CASP8: variants seen among roughly 807,000 people sequenced by gnomAD.
CASP8 encodes caspase 8, also known as caspase-8.
Under a neutral mutation model 46.3 loss-of-function variants are expected in CASP8, and 24 were observed. That is an observed-to-expected ratio of 0.52 (90% CI 0.38 to 0.73). The LOEUF (loss-of-function observed/expected upper bound fraction) is 0.73. Ranked by LOEUF, CASP8 falls within the 30% of genes least tolerant of loss-of-function variation. The pLI is 0.00. For synonymous variants in CASP8, 188 were observed against 200.4 expected, an observed-to-expected ratio of 0.94 and a Z score of 0.52; for missense variants, 460 against 559.0, an observed-to-expected ratio of 0.82 and a Z score of 1.79.
At chr2:201,277,290 T>C (rs1204070309) in intron 7 of CASP8, among the ~76,000 whole-genome samples, 1 of 152,236 alleles carries the variant, frequency 6.6e-6, no homozygotes, top group East Asian at 1.9e-4. Context: ...TATTAGGCGA[T>C]GAAATTGCTG....
intron 7 of CASP8, among the ~76,000 whole-genome samples, chr2:201,280,882 G>A (rs1948953913): frequency 6.6e-6 from 1 of 151,812 alleles, no homozygotes; most frequent in Non-Finnish European, 1.5e-5. Context: ...AGCACTTGGA[G>A]AAAAAACAGT....
intron 2 of CASP8, among the ~76,000 whole-genome samples, chr2:201,234,646 G>C (rs976080065): frequency 2.0e-5 from 3 of 151,414 alleles, no homozygotes; most frequent in Admixed American, 1.3e-4. Flanking sequence ...AGTAGAGATG[G>C]GGGGGTCTCA....
chr2:201,265,082 A>T (rs1487901396), intron 1 of CASP8, among the ~76,000 whole-genome samples: 2 of 152,160 alleles, frequency 1.3e-5, no homozygotes, highest in African/African-American at 4.8e-5. Flanking sequence ...ATTTTTAAAA[A>T]TTTTCTTTCA....
intron 1 of CASP8, 24 bp downstream of exon 1, chr2:201,260,637 G>A: frequency 7.0e-6 from 6 of 855,446 alleles, no homozygotes; most frequent in Non-Finnish European, 7.0e-6. Flanking sequence ...TCTTTGTTAA[G>A]GTCAGAGGGG....
chr2:201,250,811 G>T (rs1946744900), intron 2 of CASP8, among the ~76,000 whole-genome samples: 1 of 152,284 alleles, frequency 6.6e-6, no homozygotes, highest in Middle Eastern at 3.4e-3. Context: ...TTCCATTAGG[G>T]TTCACTTTTG....
chr2:201,270,066 T>C (rs186342274), intron 2 of CASP8, among the ~76,000 whole-genome samples: 126 of 152,362 alleles, frequency 8.3e-4, no homozygotes, highest in Admixed American at 2.5e-3. Flanking sequence ...ATTTTACTTT[T>C]CTAATTAAAT....
upstream of CASP8, chr2:201,260,403 C>G (rs74589246): frequency 0.019 from 5,930 of 320,398 alleles, 217 homozygotes; most frequent in African/African-American, 0.092. Flanking sequence ...TTTCCTGCAG[C>G]TTTAGAAGCT....
chr2:201,279,951 T>C (rs962383936), intron 7 of CASP8, among the ~76,000 whole-genome samples: 2 of 151,914 alleles, frequency 1.3e-5, no homozygotes, highest in Admixed American at 6.6e-5. Context: ...AGACTCCATC[T>C]CAAATAAATA....
upstream of CASP8, among the ~76,000 whole-genome samples, chr2:201,255,900 T>G (rs1275365065): frequency 6.6e-6 from 1 of 152,144 alleles, no homozygotes; most frequent in African/African-American, 2.4e-5. Context: ...AGACAACAGA[T>G]GCATGCCACC....
chr2:201,285,376 C>T (rs1949508676), intron 8 of CASP8, 59 bp downstream of exon 8: 1 of 1,572,096 alleles, frequency 6.4e-7, no homozygotes, highest in South Asian at 1.1e-5. Context: ...CCTACTCCAT[C>T]ACACTACTAT....
At chr2:201,258,319 C>T (rs955016434), upstream of CASP8, 4 of 1,614,122 alleles carry the variant, frequency 2.5e-6, no homozygotes, top group Non-Finnish European at 3.4e-6. Flanking sequence ...CCCTGCTGAG[C>T]ACGTGGAGTT....
Position 201,272,886 on chromosome 2 carries a change from C to T in CASP8, c.551-12C>T. ...AATCAAATATTGTTTGGGGTTTCCC[C>T]TTTTAATTCAGAGAGAAGCAGCAGC... is the stretch of plus-strand genomic sequence containing the variant. On this transcript the variant is annotated splice_polypyrimidine_tract_variant and intron_variant, in intron 4 of 8. Coordinates refer to ENST00000673742, the MANE Select transcript of CASP8 (RefSeq NM_001372051.1). This position sits in a 1 kb window ranked among gnomAD's most constrained non-coding sequence, Gnocchi z 4.4. 1 of 1,614,106 alleles carries T rather than the reference C, an allele frequency of 6.2e-7. No individual in the cohort carries two copies. Among genetic ancestry groups the T allele is most frequent in the Non-Finnish European group, 8.5e-7 (1 of 1,179,968 alleles).
At chr2:201,275,021 T>C (rs1948538085) in intron 6 of CASP8, 68 bp downstream of exon 6, 2 of 1,208,706 alleles carry the variant, frequency 1.7e-6, no homozygotes, top group African/African-American at 3.0e-5. Flanking sequence ...GTTAGCTTTT[T>C]TTTTTTTTTG....
chr2:201,286,322 GT>G lies in CASP8; in HGVS notation c.1305-134del, dbSNP rs1427562520. The G allele has an allele frequency of 6.0e-5, 66 of 1,093,442 alleles. No individual in the cohort carries two copies. The Admixed American group carries it at 1.2e-3, about 21-fold the overall frequency. The allele number at this position is 1,093,442 out of a possible 1,614,324, so 67.7% of individuals were successfully genotyped here. A position where few individuals can be genotyped will look rare whatever the true frequency, so the allele number is the denominator to read the frequency against. ...ACCAGGAAAGCTGGGGTAGGTCTTG[GT>G]TTCGCACCTTATTGTTTCAAATGAC... On this transcript the variant is annotated intron_variant, in intron 8 of 8. Transcript: ENST00000673742.
chr2:201,253,512 A>G (rs1188726791), intron 2 of CASP8, among the ~76,000 whole-genome samples: 1 of 151,684 alleles, frequency 6.6e-6, no homozygotes, highest in Non-Finnish European at 1.5e-5. Context: ...ATGCTTTAAA[A>G]CTGCACAGTG....
chr2:201,276,886 C>T lies in CASP8; in HGVS notation c.720C>T (p.Asn240=), dbSNP rs1288542334. Residue 240 remains asparagine (N), a synonymous_variant, in exon 7 of 9, where the codon AAC becomes AAT. Transcript: ENST00000673742. ...SKPRGYCLII[N]NHNFAKAREK... Reference sequence around the variant, plus strand: ...CTCGGGGATACTGTCTGATCATCAACAATCACAATTTTGCAAAAGCACGGG... The same window carrying T: ...CTCGGGGATACTGTCTGATCATCAATAATCACAATTTTGCAAAAGCACGGG... 5.0e-6 allele frequency: 8 copies of T among 1,614,030 alleles called. No homozygotes were observed. Among genetic ancestry groups the T allele is most frequent in the Non-Finnish European group, 6.8e-6 (8 of 1,179,878 alleles).
At chr2:201,252,908 A>G (rs935896029) in intron 2 of CASP8, among the ~76,000 whole-genome samples, 1 of 152,218 alleles carries the variant, frequency 6.6e-6, no homozygotes, top group Non-Finnish European at 1.5e-5. Flanking sequence ...GGGAAAAAAA[A>G]GGAATTTTCT....
chr2:201,258,366 A>G (rs920682794), upstream of CASP8: 3 of 1,613,938 alleles, frequency 1.9e-6, no homozygotes, highest in East Asian at 4.5e-5. Context: ...CGATGGTGCC[A>G]GGAAAGGGTG....
At chr2:201,283,943 G>A (rs1949360833) in intron 7 of CASP8, among the ~76,000 whole-genome samples, 1 of 22,832 alleles carries the variant, frequency 4.4e-5, no homozygotes, top group Admixed American at 2.3e-4. Context: ...CCAGGCAGAG[G>A]GTTTCCTCAC....
Sources: allele counts gnomAD v4.1 joint callset (sites outside exome capture counted in the v4.1 genomes callset), GRCh38; gene constraint gnomAD v4.1.1; non-coding constraint Gnocchi (gnomAD v3.1); transcripts MANE v1.5; gene names NCBI Gene and HGNC (gene_info 2026-07-23, HGNC 2026-07-21).